Variants in SLC16A7 observed in about 807,000 individuals in gnomAD.
The protein encoded by SLC16A7 is solute carrier family 16 member 7, also known as monocarboxylate transporter 2.
SLC16A7 carries 33 observed loss-of-function variants against 34.9 expected under a neutral mutation model. That is an observed-to-expected ratio of 0.94 (90% confidence interval 0.72 to 1.26). The LOEUF (loss-of-function observed/expected upper bound fraction) is 1.26, where lower values mean the gene tolerates loss of function less well. Among genes scored for constraint, SLC16A7 ranks in the 50% most tolerant of loss-of-function variants. The pLI is 0.00. For synonymous variants in SLC16A7, 201 were observed against 206.6 expected (o/e 0.97, Z 0.23); for missense variants, 573 against 578.1 (o/e 0.99, Z 0.09).
rs1882564357 is a variant in SLC16A7 at position 59,774,709 on chromosome 12, C to A, written c.414C>A (p.Tyr138Ter). The A allele has an allele frequency of 6.2e-7, 1 of 1,611,672 alleles. No homozygotes were observed. The highest frequency in any genetic ancestry group is 2.2e-5 in the East Asian group (1 of 44,852). The stretch of plus-strand genomic sequence containing the variant: ...CCGCCTTAACCATAATTGGCAAATA[C>A]TTCTATAGGAAGCGACCCATGGCAA... The part of the protein sequence containing the change: ...LQPALTIIGK[Y>*]FYRKRPMANG... Residue 138 changes from tyrosine to a stop codon, truncating the protein, a stop_gained, in exon 5 of 6, where the codon TAC becomes TAA. Coordinates refer to ENST00000547379, the MANE Select transcript of SLC16A7 (RefSeq NM_001270623.2). LOFTEE classifies it high-confidence loss of function.
intron 1 of SLC16A7, among the ~76,000 whole-genome samples, chr12:59,632,087 T>C (rs1264420130): frequency 2.0e-5 from 3 of 151,928 alleles, no homozygotes; most frequent in Non-Finnish European, 2.9e-5. Flanking sequence ...GAAGACATCT[T>C]TACATCTATA....
At position 59,771,360 on chromosome 12, in the gene SLC16A7, C is replaced by G; in HGVS notation, c.359C>G (p.Thr120Arg). Residue 120 changes from threonine to arginine, a missense_variant and splice_region_variant, in exon 4 of 6, where the codon ACA (threonine) becomes AGA (arginine). Transcript: ENST00000547379. ...CTGTACCTCACTATGGGATTCATTA[C>G]AGGTAAGCCATTTAGTCTTCAGCTT... Reference protein sequence around the residue: ...VQLYLTMGFITGLGLAFNLQP... With the variant: ...VQLYLTMGFIRGLGLAFNLQP... 6.3e-7 allele frequency: 1 copy of G among 1,591,328 alleles called. No individual in the cohort carries two copies. Among genetic ancestry groups the G allele is most frequent in the Non-Finnish European group, 8.6e-7 (1 of 1,168,936 alleles).
rs541389872 is a variant in SLC16A7, at chr12:59,755,616, G to C, written c.218-15603G>C. 2.1e-3 allele frequency among the ~76,000 whole-genome samples: 317 copies of C among 152,080 alleles called. 1 individual carries two copies. The highest frequency in any genetic ancestry group is 7.1e-3 in the African/African-American group (295 of 41,516). On this transcript the variant is annotated intron_variant, in intron 3 of 5. Coordinates refer to ENST00000547379, the MANE Select transcript of SLC16A7 (RefSeq NM_001270623.2). ...TCAATGAAATAAAAGAGGATACAAA[G>C]AAATGGAAGAACATTCCATGCTCAT...
chr12:59,741,673 A>T (rs1228314381), intron 3 of SLC16A7, among the ~76,000 whole-genome samples: 1 of 152,238 alleles, frequency 6.6e-6, no homozygotes, highest in Non-Finnish European at 1.5e-5. Context: ...AATCTGAAGA[A>T]AATTCACGGG....
chr12:59,752,380 C>G (rs978098380), intron 3 of SLC16A7, among the ~76,000 whole-genome samples: 1 of 152,104 alleles, frequency 6.6e-6, no homozygotes, highest in Non-Finnish European at 1.5e-5. Context: ...GAATGTATAA[C>G]TAGAATAACC....
intron 3 of SLC16A7, among the ~76,000 whole-genome samples, chr12:59,726,677 A>G (rs899071489): frequency 6.6e-6 from 1 of 152,106 alleles, no homozygotes; most frequent in Admixed American, 6.6e-5. Flanking sequence ...AGGAGATCTG[A>G]TTTCTAGTCT....
intron 3 of SLC16A7, among the ~76,000 whole-genome samples, chr12:59,729,624 A>G (rs967311473): frequency 6.6e-6 from 1 of 152,150 alleles, no homozygotes; most frequent in African/African-American, 2.4e-5. Context: ...ATTCTAGTAT[A>G]AGTTGCATAG....
intron 3 of SLC16A7, among the ~76,000 whole-genome samples, chr12:59,713,898 CG>C (rs1565667421): frequency 6.6e-6 from 1 of 152,176 alleles, no homozygotes; most frequent in Non-Finnish European, 1.5e-5. Context: ...AAAACCACAG[CG>C]AGCCAACAGA....
At chr12:59,712,539 C>T (rs1209025293) in intron 3 of SLC16A7, among the ~76,000 whole-genome samples, 1 of 152,202 alleles carries the variant, frequency 6.6e-6, no homozygotes, top group East Asian at 1.9e-4. Context: ...GTTTATTACA[C>T]TTAAGGGCAC....
intron 1 of SLC16A7, among the ~76,000 whole-genome samples, chr12:59,643,409 T>C (rs1249387718): frequency 6.6e-6 from 1 of 152,168 alleles, no homozygotes; most frequent in East Asian, 1.9e-4. Context: ...TCTTACATAG[T>C]TATTCATTTG....
At chr12:59,689,820 T>A (rs1322733869) in intron 2 of SLC16A7, among the ~76,000 whole-genome samples, 1 of 152,060 alleles carries the variant, frequency 6.6e-6, no homozygotes, top group Non-Finnish European at 1.5e-5. Flanking sequence ...AATATAATTC[T>A]GTTTTTTTCC....
chr12:59,753,559 T>C (rs1879879978), intron 3 of SLC16A7, among the ~76,000 whole-genome samples: 1 of 151,912 alleles, frequency 6.6e-6, no homozygotes, highest in Non-Finnish European at 1.5e-5. Flanking sequence ...GAGCTAACTA[T>C]CCTAAATATA....
chr12:59,640,260 CA>C (rs1485070717), intron 1 of SLC16A7, among the ~76,000 whole-genome samples: 1 of 152,076 alleles, frequency 6.6e-6, no homozygotes, highest in African/African-American at 2.4e-5. Context: ...AGGCTCAACA[CA>C]ATTAGTAAGC....
At chr12:59,654,087 GTTAA>G (rs1485894842) in intron 1 of SLC16A7, among the ~76,000 whole-genome samples, 2 of 150,930 alleles carry the variant, frequency 1.3e-5, no homozygotes, top group Non-Finnish European at 3.0e-5. Context: ...CAATATTAAT[GTTAA>G]TTAATGTTAT....
At chr12:59,677,199 A>G (rs545394236) in intron 2 of SLC16A7, among the ~76,000 whole-genome samples, 1 of 152,292 alleles carries the variant, frequency 6.6e-6, no homozygotes, top group East Asian at 1.9e-4. Flanking sequence ...TAAAAAGACA[A>G]AATCAGGGTT....
chr12:59,659,453 C>T (rs947200450), intron 2 of SLC16A7, among the ~76,000 whole-genome samples: 4 of 151,940 alleles, frequency 2.6e-5, no homozygotes, highest in South Asian at 4.2e-4. Context: ...ATTATTCCAG[C>T]GAGTGACTAT....
chr12:59,697,841 A>C (rs1484761329), intron 2 of SLC16A7, among the ~76,000 whole-genome samples: 4 of 151,890 alleles, frequency 2.6e-5, no homozygotes, highest in African/African-American at 9.7e-5. Context: ...AAATGACAGC[A>C]GATGGCATAA....
At chr12:59,640,266 G>C (rs772358996) in intron 1 of SLC16A7, among the ~76,000 whole-genome samples, 2 of 152,060 alleles carry the variant, frequency 1.3e-5, no homozygotes, top group African/African-American at 2.4e-5. Context: ...AACACAATTA[G>C]TAAGCAGAAC....
intron 2 of SLC16A7, among the ~76,000 whole-genome samples, chr12:59,669,237 C>A (rs1869465041): frequency 6.6e-6 from 1 of 152,092 alleles, no homozygotes; most frequent in Non-Finnish European, 1.5e-5. Context: ...TATATAAATA[C>A]ATGTGAATCA....
Sources: allele counts gnomAD v4.1 joint callset (sites outside exome capture counted in the v4.1 genomes callset), GRCh38; gene constraint gnomAD v4.1.1; transcripts MANE v1.5; gene names NCBI Gene and HGNC (gene_info 2026-07-23, HGNC 2026-07-21).